Variants in ERC2 observed in about 807,000 individuals in gnomAD.
The protein encoded by ERC2 is ERC protein 2.
ERC2 carries 42 observed loss-of-function variants against 114.8 expected under a neutral mutation model. The ratio of observed to expected loss-of-function variants is 0.37; its 90% CI spans 0.29 to 0.47. The LOEUF is 0.47. Among genes scored for constraint, ERC2 ranks in the 20% least tolerant of loss-of-function variants. ERC2 has a pLI of 0.99. For synonymous variants in ERC2, 454 were observed against 425.5 expected, an observed-to-expected ratio of 1.07 and a Z score of -0.82; for missense variants, 939 against 1,150.7, an observed-to-expected ratio of 0.82 and a Z score of 2.66.
At chr3:56,460,457 G>T (rs1457025657) in intron 1 of ERC2, among the ~76,000 whole-genome samples, 5 of 152,164 alleles carry the variant, frequency 3.3e-5, no homozygotes, top group African/African-American at 9.7e-5. Context: ...CAAAGCTCCT[G>T]CCTTTATGGA....
chr3:56,073,503 T>A (rs1419899424), intron 7 of ERC2, among the ~76,000 whole-genome samples: 2 of 152,156 alleles, frequency 1.3e-5, no homozygotes, highest in Non-Finnish European at 2.9e-5. Context: ...AGGCCCTGGT[T>A]AAGAACCTCT....
rs111428357 is a variant in ERC2 at position 56,259,955 on chromosome 3, G to A, written c.1074+36064C>T. ...GAGAGATGGAACCCCCGATAGGCTC[G>A]GGTTCCCACCACCAGCGCTTCCTCA... On this transcript the variant is annotated intron_variant, in intron 3 of 17. Transcript: ENST00000288221. Among the ~76,000 whole-genome samples the A allele has an allele frequency of 9.1e-3, 1,386 of 152,250 alleles. 16 individuals carry two copies. Among genetic ancestry groups the A allele is most frequent in the African/African-American group, 0.031 (1,268 of 41,548 alleles).
chr3:56,114,798 T>C (rs1475758498), intron 6 of ERC2, among the ~76,000 whole-genome samples: 1 of 152,188 alleles, frequency 6.6e-6, no homozygotes, highest in African/African-American at 2.4e-5. Context: ...TTCCCGGGTG[T>C]AGAGTAAACT....
rs2069450870 is a variant in ERC2, at chr3:55,974,785, C to A, written c.2267+11192G>T. ...CAAAAACAGGAATTTCACATTCCGG[C>A]TCAAGAGAGGGCAAAGACTCGGACC... On this transcript the variant is annotated intron_variant, in intron 12 of 17. Transcript: ENST00000288221. Among the ~76,000 whole-genome samples, 5 of 152,184 alleles carry A rather than the reference C, an allele frequency of 3.3e-5. No homozygotes were observed. In the South Asian group the frequency reaches 1.0e-3, roughly 32 times the overall value.
chr3:55,663,558 C>G (rs1248778659), intron 17 of ERC2, among the ~76,000 whole-genome samples: 3 of 152,184 alleles, frequency 2.0e-5, no homozygotes, highest in Admixed American at 6.5e-5. Context: ...CCCCAGCCCC[C>G]ACCTCGTCTG....
intron 13 of ERC2, among the ~76,000 whole-genome samples, chr3:55,917,018 T>C (rs2065139292): frequency 6.6e-6 from 1 of 152,142 alleles, no homozygotes; most frequent in Non-Finnish European, 1.5e-5. Flanking sequence ...AATTATTCCA[T>C]TATTATAAAA....
intron 3 of ERC2, among the ~76,000 whole-genome samples, chr3:56,258,666 C>G (rs933151750): frequency 6.6e-6 from 1 of 152,088 alleles, no homozygotes; most frequent in African/African-American, 2.4e-5. Flanking sequence ...GAAAACAAAA[C>G]AAACAAACAA....
intron 17 of ERC2, among the ~76,000 whole-genome samples, chr3:55,547,502 GT>G (rs929009260): frequency 6.6e-6 from 1 of 152,224 alleles, no homozygotes; most frequent in African/African-American, 2.4e-5. Context: ...ATGAAAACCA[GT>G]TTAAGGTCTT....
intron 3 of ERC2, among the ~76,000 whole-genome samples, chr3:56,181,993 C>G (rs1181387152): frequency 6.6e-6 from 1 of 152,196 alleles, no homozygotes; most frequent in African/African-American, 2.4e-5. Context: ...TGGGCCAGAA[C>G]TACCCAGCTA....
intron 14 of ERC2, among the ~76,000 whole-genome samples, chr3:55,780,271 C>T (rs2068932669): frequency 6.6e-6 from 1 of 152,092 alleles, no homozygotes; most frequent in Non-Finnish European, 1.5e-5. Flanking sequence ...ATAATCTATT[C>T]AGAAAGTACA....
chr3:56,404,119 G>A (rs993863702), intron 2 of ERC2, among the ~76,000 whole-genome samples: 1 of 152,172 alleles, frequency 6.6e-6, no homozygotes, highest in Non-Finnish European at 1.5e-5. Flanking sequence ...GTTTTACAAT[G>A]TTCTCAAATA....
chr3:55,711,922 A>G (rs957533092), intron 15 of ERC2, among the ~76,000 whole-genome samples: 2 of 152,214 alleles, frequency 1.3e-5, no homozygotes, highest in African/African-American at 4.8e-5. Flanking sequence ...ATATCACCAA[A>G]TTCCCTTCAA....
intron 2 of ERC2, among the ~76,000 whole-genome samples, chr3:56,407,527 A>G (rs1306621843): frequency 1.3e-5 from 2 of 152,204 alleles, no homozygotes; most frequent in African/African-American, 4.8e-5. Flanking sequence ...CTTTTGACCA[A>G]CTTTGGGTGA....
intron 9 of ERC2, 34 bp downstream of exon 9, chr3:56,010,415 T>C: frequency 1.2e-6 from 2 of 1,607,172 alleles, no homozygotes; most frequent in Non-Finnish European, 8.5e-7. Flanking sequence ...TTATGAGGAC[T>C]ATCAATGTGG....
intron 17 of ERC2, among the ~76,000 whole-genome samples, chr3:55,535,731 C>T (rs184195082): frequency 3.9e-5 from 6 of 152,270 alleles, no homozygotes; most frequent in East Asian, 3.9e-4. Flanking sequence ...TGGGCGTGGT[C>T]GCCTATTATC....
At chr3:55,893,345 C>T (rs1473110863) in intron 13 of ERC2, among the ~76,000 whole-genome samples, 1 of 152,160 alleles carries the variant, frequency 6.6e-6, no homozygotes, top group African/African-American at 2.4e-5. Flanking sequence ...CCACCATCCA[C>T]ATAGAAATAC....
intron 2 of ERC2, among the ~76,000 whole-genome samples, chr3:56,301,588 A>T (rs2055877931): frequency 6.6e-6 from 1 of 151,998 alleles, no homozygotes; most frequent in Non-Finnish European, 1.5e-5. Context: ...CTCATTTACC[A>T]AGCTGGGCAC....
chr3:56,100,441 G>A, intron 6 of ERC2, among the ~76,000 whole-genome samples: 1 of 152,160 alleles, frequency 6.6e-6, no homozygotes, highest in Non-Finnish European at 1.5e-5. Flanking sequence ...ACATTTCCCA[G>A]GTGGCATCCT....
chr3:56,339,300 T>A (rs2057991880), intron 2 of ERC2, among the ~76,000 whole-genome samples: 1 of 151,512 alleles, frequency 6.6e-6, no homozygotes, highest in Admixed American at 6.6e-5. Context: ...TAGGGAAGAG[T>A]TTCTGAGGAG....
Sources: gnomAD v4.1 joint callset for allele counts (sites outside exome capture counted in the v4.1 genomes callset) on GRCh38, gnomAD v4.1.1 for gene constraint, MANE v1.5 for transcripts, NCBI Gene and HGNC (gene_info 2026-07-23, HGNC 2026-07-21) for gene names.